The following SPAG16 variants were observed in gnomAD, a reference collection of about 807,000 sequenced individuals.
The protein encoded by SPAG16 is sperm-associated antigen 16 protein.
A neutral mutation model predicts 80.4 loss-of-function variants in SPAG16; 86 were observed. The observed-to-expected ratio is 1.07, with a 90% confidence interval of 0.90 to 1.28. SPAG16 has a LOEUF of 1.28. SPAG16 is among the 50% of genes most tolerant of loss of function. SPAG16 has a pLI of 0.00. For synonymous variants in SPAG16, 294 were observed against 265.9 expected, an observed-to-expected ratio of 1.11 and a Z score of -1.03; for missense variants, 870 against 765.3, an observed-to-expected ratio of 1.14 and a Z score of -1.61.
intron 10 of SPAG16, among the ~76,000 whole-genome samples, chr2:213,567,242 T>TA (rs1436674232): frequency 1.3e-5 from 2 of 150,830 alleles, no homozygotes; most frequent in African/African-American, 4.9e-5. Flanking sequence ...TTTTTTTTTT[T>TA]TTATTATACT....
At chr2:214,288,353 C>A (rs1693523904) in intron 15 of SPAG16, among the ~76,000 whole-genome samples, 1 of 152,254 alleles carries the variant, frequency 6.6e-6, no homozygotes, top group South Asian at 2.1e-4. Context: ...GATTCCATAT[C>A]TTTGCTATTG....
At chr2:213,986,799 C>T (rs1458824545) in intron 12 of SPAG16, among the ~76,000 whole-genome samples, 2 of 142,608 alleles carry the variant, frequency 1.4e-5, no homozygotes, top group South Asian at 4.5e-4. Flanking sequence ...AACTATAGCA[C>T]TTTAATAAAA....
chr2:213,978,045 T>C (rs1340870774), intron 12 of SPAG16, among the ~76,000 whole-genome samples: 4 of 151,550 alleles, frequency 2.6e-5, no homozygotes, highest in East Asian at 1.9e-4. Context: ...TTTTTTTTTT[T>C]CACCACAGAG....
chr2:214,283,771 T>C (rs1693142000), intron 15 of SPAG16, among the ~76,000 whole-genome samples: 1 of 152,200 alleles, frequency 6.6e-6, no homozygotes, highest in African/African-American at 2.4e-5. Context: ...CATATAACAC[T>C]GCGGCATTAA....
chr2:214,193,395 A>ATGTGTGTGTG (rs60839638), intron 15 of SPAG16, among the ~76,000 whole-genome samples: 2,593 of 123,796 alleles, frequency 0.021, 21 homozygotes, highest in Non-Finnish European at 0.033. Context: ...GAGATCTTTT[A>ATGTGTGTGTG]TGTGTGTGTG....
intron 12 of SPAG16, among the ~76,000 whole-genome samples, chr2:213,981,072 T>C (rs1283277694): frequency 2.0e-5 from 3 of 152,116 alleles, no homozygotes; most frequent in East Asian, 3.9e-4. Context: ...GAGATCAAGA[T>C]GCCAGCTGAC....
At position 213,431,221 on chromosome 2, in the gene SPAG16, C is replaced by T. The variant is rs932717289; in HGVS notation, c.942+56102C>T. 3.0e-4 allele frequency among the ~76,000 whole-genome samples: 45 copies of T among 151,354 alleles called. 1 individual carries two copies. Among genetic ancestry groups the T allele is most frequent in the East Asian group, 1.6e-3 (8 of 5,158 alleles). On this transcript the variant is annotated intron_variant, in intron 9 of 15. Transcript: ENST00000331683. ...GACTCCACCAAACCAGAAAGACAAA[C>T]GGAGGGGAAAAAAAAGAATCTACAA... is the stretch of plus-strand genomic sequence containing the variant.
intron 10 of SPAG16, among the ~76,000 whole-genome samples, chr2:213,682,921 A>T (rs2064470942): frequency 6.6e-6 from 1 of 152,114 alleles, no homozygotes. Flanking sequence ...TGGTTATTTG[A>T]TTCAACTGCT....
At chr2:213,674,549 A>C (rs1192507667) in intron 10 of SPAG16, among the ~76,000 whole-genome samples, 1 of 147,938 alleles carries the variant, frequency 6.8e-6, no homozygotes, top group Non-Finnish European at 1.5e-5. Context: ...CCCACCCCAC[A>C]ACAGTCCCCA....
chr2:213,287,982 T>C (rs2062116407), intron 1 of SPAG16, among the ~76,000 whole-genome samples: 1 of 152,226 alleles, frequency 6.6e-6, no homozygotes, highest in Admixed American at 6.5e-5. Context: ...CATAGCTCAC[T>C]GCAACTTCAA....
intron 1 of SPAG16, among the ~76,000 whole-genome samples, chr2:213,292,825 C>T (rs562299333): frequency 7.2e-5 from 11 of 152,010 alleles, no homozygotes; most frequent in Admixed American, 2.0e-4. Context: ...AGATACTCAT[C>T]TCTTTCCAGA....
At chr2:213,791,487 C>G (rs2070701380) in intron 10 of SPAG16, among the ~76,000 whole-genome samples, 1 of 151,908 alleles carries the variant, frequency 6.6e-6, no homozygotes, top group Admixed American at 6.6e-5. Context: ...TTACGGAAGA[C>G]TATTTGACAA....
chr2:214,352,558 C>CTGTGTGTGTGTGTGTGTGTGTG lies in SPAG16; in HGVS notation c.1721-57565_1721-57564insGTGTGTGTGTGTGTGTGTGTGT, dbSNP rs761835945. On this transcript the variant is annotated intron_variant, in intron 15 of 15. Coordinates refer to ENST00000331683, the MANE Select transcript of SPAG16 (RefSeq NM_024532.5). Reference sequence around the variant, plus strand: ...GCTTTTTGTCCTTGACTTTTTTTCTCTGTGTGTGTGTGTGTGTATGTGTGA... The same window carrying CTGTGTGTGTGTGTGTGTGTGTG: ...GCTTTTTGTCCTTGACTTTTTTTCTCTGTGTGTGTGTGTGTGTGTGTGTGTGTGTGTGTGTGTGTATGTGTGA... Among the ~76,000 whole-genome samples the CTGTGTGTGTGTGTGTGTGTGTG allele has an allele frequency of 7.0e-4, 100 of 142,540 alleles. 3 individuals are homozygous for CTGTGTGTGTGTGTGTGTGTGTG. The highest frequency in any genetic ancestry group is 2.0e-3 in the South Asian group (9 of 4,598). The allele number at this position is 142,540 out of a possible 152,430, so 93.5% of individuals were successfully genotyped here.
intron 1 of SPAG16, among the ~76,000 whole-genome samples, chr2:213,291,489 C>T (rs972894338): frequency 1.3e-5 from 2 of 152,174 alleles, no homozygotes; most frequent in African/African-American, 4.8e-5. Flanking sequence ...TTGTCCACTA[C>T]CTGACGTATT....
At chr2:214,067,790 T>C (rs1576051216) in intron 13 of SPAG16, among the ~76,000 whole-genome samples, 1 of 152,156 alleles carries the variant, frequency 6.6e-6, no homozygotes, top group Admixed American at 6.6e-5. Context: ...GTAAATGTCA[T>C]TGTGGTTTCT....
chr2:213,352,996 A>G (rs2065419034), intron 7 of SPAG16, among the ~76,000 whole-genome samples: 1 of 152,176 alleles, frequency 6.6e-6, no homozygotes. Flanking sequence ...TCTTCCTTCA[A>G]ATGGCATGCC....
intron 11 of SPAG16, among the ~76,000 whole-genome samples, chr2:213,878,482 C>A (rs1272967715): frequency 6.6e-6 from 1 of 152,052 alleles, no homozygotes; most frequent in Non-Finnish European, 1.5e-5. Context: ...TCTTTGCCCA[C>A]TTTTTATTGG....
At chr2:213,638,379 A>G (rs561902120) in intron 10 of SPAG16, among the ~76,000 whole-genome samples, 7 of 152,056 alleles carry the variant, frequency 4.6e-5, no homozygotes, top group Non-Finnish European at 1.0e-4. Context: ...GTAGGCATTT[A>G]ATGCTACTAA....
chr2:214,126,514 A>G (rs1034170505), intron 14 of SPAG16, among the ~76,000 whole-genome samples: 1 of 151,758 alleles, frequency 6.6e-6, no homozygotes, highest in Non-Finnish European at 1.5e-5. Context: ...ACACAACCCT[A>G]TTCATATATT....
Sources: gnomAD v4.1 joint callset for allele counts (sites outside exome capture counted in the v4.1 genomes callset) on GRCh38, gnomAD v4.1.1 for gene constraint, MANE v1.5 for transcripts, NCBI Gene and HGNC (gene_info 2026-07-23, HGNC 2026-07-21) for gene names.